Variants in NF2 observed in about 807,000 individuals in gnomAD.
NF2 encodes the protein merlin.
Under a neutral mutation model 83.7 loss-of-function variants are expected in NF2, and 8 were observed. The observed-to-expected ratio is 0.10, with a 90% CI of 0.06 to 0.17. NF2 has a LOEUF of 0.17. NF2 is among the 10% of genes least tolerant of loss of function. NF2 has a pLI of 1.00. For synonymous variants in NF2, 266 were observed against 269.6 expected (o/e 0.99, Z 0.13); for missense variants, 533 against 744.4 (o/e 0.72, Z 3.31).
At chr22:29,612,926 T>A (rs894365515) in intron 1 of NF2, among the ~76,000 whole-genome samples, 2 of 151,496 alleles carry the variant, frequency 1.3e-5, no homozygotes, top group African/African-American at 4.8e-5. Context: ...AGAAACCCTG[T>A]CTCTACTAAA....
At chr22:29,663,244 C>T (rs143679977) in intron 8 of NF2, among the ~76,000 whole-genome samples, 117 of 152,298 alleles carry the variant, frequency 7.7e-4, no homozygotes, top group African/African-American at 2.6e-3. Context: ...GTTTATTGCA[C>T]GTCCACACAT....
At chr22:29,651,177 C>T (rs1263040601) in intron 4 of NF2, among the ~76,000 whole-genome samples, 2 of 152,032 alleles carry the variant, frequency 1.3e-5, no homozygotes, top group Non-Finnish European at 2.9e-5. Context: ...AGTAATCTAA[C>T]CTTTATGTTT....
intron 1 of NF2, among the ~76,000 whole-genome samples, chr22:29,620,777 C>T (rs2146759882): frequency 6.6e-6 from 1 of 152,042 alleles, no homozygotes; most frequent in East Asian, 1.9e-4. Context: ...TCAGGCTGGT[C>T]TCAAACTCCT....
Position 29,678,327 on chromosome 22 carries a change from T to G in NF2, c.1574+4T>G. 6.2e-7 allele frequency: 1 copy of G among 1,613,276 alleles called. No individual in the cohort carries two copies. On this transcript the variant is annotated splice_donor_region_variant and intron_variant, in intron 14 of 15. Coordinates refer to ENST00000338641, the MANE Select transcript of NF2 (RefSeq NM_000268.4). ...CCATGGAGATAGAGAAAGAAAAGTA[T>G]GTAGCCCCCTGTGCCCTGCTGTGGG...
chr22:29,667,526 A>C (rs2066659354), intron 9 of NF2, among the ~76,000 whole-genome samples: 1 of 151,912 alleles, frequency 6.6e-6, no homozygotes, highest in South Asian at 2.1e-4. Context: ...CACTTCCCAA[A>C]GTGCTGAGCC....
At chr22:29,678,389 A>T in intron 14 of NF2, 66 bp downstream of exon 14, 1 of 1,599,086 alleles carries the variant, frequency 6.3e-7, no homozygotes, top group Non-Finnish European at 8.5e-7. Flanking sequence ...GGGCCTTGGG[A>T]AGCTGGGGCA....
chr22:29,673,109 A>G (rs144733832), intron 11 of NF2, among the ~76,000 whole-genome samples, 160 bp from the exon 12 acceptor site: 1 of 152,212 alleles, frequency 6.6e-6, no homozygotes, highest in Admixed American at 6.5e-5. Flanking sequence ...AAGTTGGGGA[A>G]TGTGGCTTGT....
chr22:29,683,170 T>G (rs1808981888), intron 15 of NF2: 1 of 1,612,570 alleles, frequency 6.2e-7, no homozygotes, highest in Admixed American at 1.7e-5. Flanking sequence ...ACTGAGCCCT[T>G]ACGAGGGCAG....
chr22:29,641,568 G>T (rs1000982683), intron 3 of NF2, among the ~76,000 whole-genome samples: 2 of 152,164 alleles, frequency 1.3e-5, no homozygotes, highest in Non-Finnish European at 2.9e-5. Context: ...TCATGCAGTT[G>T]TCTTGCTTCT....
chr22:29,658,156 C>T (rs2146988631), intron 6 of NF2, 33 bp from the exon 7 acceptor site: 8 of 1,605,074 alleles, frequency 5.0e-6, no homozygotes, highest in Non-Finnish European at 5.1e-6. Flanking sequence ...TCTCACTTAG[C>T]TCCAATGACA....
At chr22:29,644,263 C>CTGCAATCTCG (rs1481358539) in intron 4 of NF2, among the ~76,000 whole-genome samples, 13 of 146,228 alleles carry the variant, frequency 8.9e-5, no homozygotes, top group African/African-American at 2.3e-4. Context: ...CGGGCAGAGG[C>CTGCAATCTCG]GCTCCTCACA....
intron 4 of NF2, among the ~76,000 whole-genome samples, chr22:29,644,030 ACCTC>A (rs2065899842): frequency 8.0e-6 from 1 of 124,302 alleles, no homozygotes; most frequent in African/African-American, 3.2e-5. Context: ...TGACCCCCCC[ACCTC>A]CCTCCCGGAC....
chr22:29,625,346 C>T (rs969523735), intron 1 of NF2, among the ~76,000 whole-genome samples: 4 of 152,146 alleles, frequency 2.6e-5, no homozygotes. Flanking sequence ...TCTTTTGTCC[C>T]TAGTGTGTCA....
intron 1 of NF2, among the ~76,000 whole-genome samples, chr22:29,607,206 A>G (rs2064821070): frequency 6.6e-6 from 1 of 152,238 alleles, no homozygotes; most frequent in East Asian, 1.9e-4. Context: ...AAAGTAAGGT[A>G]TGTGGCAGAG....
intron 1 of NF2, among the ~76,000 whole-genome samples, chr22:29,635,658 A>G (rs888212724): frequency 1.3e-5 from 2 of 152,056 alleles, no homozygotes; most frequent in Non-Finnish European, 2.9e-5. Context: ...CCTTTTCATT[A>G]TATACATCTT....
At chr22:29,693,754 A>G (rs1463720744) in intron 15 of NF2, among the ~76,000 whole-genome samples, 1 of 152,136 alleles carries the variant, frequency 6.6e-6, no homozygotes, top group Admixed American at 6.5e-5. Context: ...TCGCTTAACA[A>G]ACATTGAGCT....
chr22:29,665,204 A>G, intron 9 of NF2, 140 bp downstream of exon 9: 1 of 740,426 alleles, frequency 1.4e-6, no homozygotes, highest in Non-Finnish European at 2.3e-6. Flanking sequence ...TGTTTAGCTT[A>G]AAGAGTTAAA....
At chr22:29,624,805 CTTTCTTTCT>C (rs1403500103) in intron 1 of NF2, among the ~76,000 whole-genome samples, 2 of 35,650 alleles carry the variant, frequency 5.6e-5, no homozygotes, top group African/African-American at 1.3e-4. Context: ...GGTCCTCTTT[CTTTCTTTCT>C]TTCTTTCTTT....
chr22:29,608,140 A>G (rs1209970059), intron 1 of NF2, among the ~76,000 whole-genome samples: 1 of 111,852 alleles, frequency 8.9e-6, no homozygotes, highest in Admixed American at 1.2e-4. Context: ...GCCACTGCAC[A>G]CCAGCCTGGG....
Sources: allele counts gnomAD v4.1 joint callset (sites outside exome capture counted in the v4.1 genomes callset), GRCh38; gene constraint gnomAD v4.1.1; transcripts MANE v1.5; gene names NCBI Gene and HGNC (gene_info 2026-07-23, HGNC 2026-07-21).